Variants in BICRA observed in about 807,000 individuals in gnomAD.
The protein encoded by BICRA is BRD4-interacting chromatin-remodeling complex-associated protein.
Under a neutral mutation model 96.9 loss-of-function variants are expected in BICRA, and 31 were observed. That is an observed-to-expected ratio of 0.32 (90% confidence interval 0.24 to 0.43). The LOEUF is 0.43. Ranked by LOEUF, BICRA falls within the 20% of genes least tolerant of loss-of-function variation. The probability of loss-of-function intolerance (pLI) is 1.00; values close to 1 mark genes in which losing one functional copy is unlikely to be tolerated. For missense variants in BICRA, 2,283 were observed against 2,190.3 expected (o/e 1.04, Z -0.84); for synonymous variants, 1,350 against 1,071.8 (o/e 1.26, Z -5.07).
chr19:47,693,081 A>G lies in BICRA; in HGVS notation c.2284-1034A>G, dbSNP rs534830986. Among the ~76,000 whole-genome samples, 26 of 152,294 alleles carry G rather than the reference A, an allele frequency of 1.7e-4. 1 individual carries two copies. In the South Asian group the frequency reaches 5.4e-3, roughly 32 times the overall value. On this transcript the variant is annotated intron_variant, in intron 7 of 14. Coordinates refer to ENST00000594866, the MANE Select transcript of BICRA (RefSeq NM_001394372.1). ...GAGAGATCACACAAATGGATGCGGG[A>G]GGCCGGCCATTCGTGTTAGATCAGC... is the stretch of plus-strand genomic sequence containing the variant.
intron 1 of BICRA, among the ~76,000 whole-genome samples, chr19:47,625,338 C>T (rs568844818): frequency 5.6e-4 from 84 of 151,146 alleles, no homozygotes; most frequent in African/African-American, 2.0e-3. Context: ...TCACTGGTGC[C>T]CAGGCTGGAT....
chr19:47,654,413 A>C (rs1294674107), intron 1 of BICRA, among the ~76,000 whole-genome samples: 1 of 152,090 alleles, frequency 6.6e-6, no homozygotes, highest in East Asian at 1.9e-4. Flanking sequence ...CTGCCCAAGA[A>C]ATTAAAAAAA....
intron 1 of BICRA, among the ~76,000 whole-genome samples, chr19:47,652,128 A>G (rs1972549593): frequency 6.6e-6 from 1 of 152,172 alleles, no homozygotes; most frequent in Non-Finnish European, 1.5e-5. Flanking sequence ...GGGAGTGATT[A>G]GGAAGGCTCA....
At chr19:47,670,872 G>T (rs114725736) in intron 2 of BICRA, among the ~76,000 whole-genome samples, 54 of 152,276 alleles carry the variant, frequency 3.5e-4, no homozygotes, top group African/African-American at 1.2e-3. Flanking sequence ...GGTGACACAG[G>T]GGGAGGAAGC....
At chr19:47,638,895 C>T (rs58710118) in intron 1 of BICRA, among the ~76,000 whole-genome samples, 3,182 of 152,188 alleles carry the variant, frequency 0.021, 49 homozygotes, top group South Asian at 0.089. Flanking sequence ...TCTCAAGTGA[C>T]TTGCTTGCCC....
chr19:47,681,041 C>G lies in BICRA; in HGVS notation c.1871C>G (p.Ala624Gly). Residue 624 changes from alanine (A) to glycine (G), a missense_variant, in exon 6 of 15, where the codon GCC becomes GGC. Coordinates refer to ENST00000594866, the MANE Select transcript of BICRA (RefSeq NM_001394372.1). ...EAAPVLTVQP[A>G]PQAPPAVSTP... ...GCGCCTGTCCTCACGGTGCAGCCTGCCCCCCAGGCGCCCCCCGCGGTCAGC... is the reference window on the plus strand; with the variant it reads ...GCGCCTGTCCTCACGGTGCAGCCTGGCCCCCAGGCGCCCCCCGCGGTCAGC... 7.1e-7 allele frequency: 1 copy of G among 1,413,830 alleles called. No individual in the cohort carries two copies. Among genetic ancestry groups the G allele is most frequent in the Non-Finnish European group, 9.2e-7 (1 of 1,091,356 alleles). 87.6% of individuals were successfully genotyped at this position (1,413,830 alleles called of 1,614,324 possible). A position where few individuals can be genotyped will look rare whatever the true frequency, so the allele number is the denominator to read the frequency against.
chr19:47,671,498 T>C (rs982084489), intron 2 of BICRA, among the ~76,000 whole-genome samples: 3 of 152,080 alleles, frequency 2.0e-5, no homozygotes, highest in Admixed American at 1.3e-4. Context: ...CCATTGTGTA[T>C]TGTATGTGTC....
intron 1 of BICRA, among the ~76,000 whole-genome samples, chr19:47,627,417 G>A (rs576226064): frequency 2.6e-5 from 4 of 152,202 alleles, no homozygotes; most frequent in South Asian, 2.1e-4. Flanking sequence ...ATAGGTCAAC[G>A]GAAATGCTGC....
At chr19:47,626,885 C>G (rs1372892078) in intron 1 of BICRA, among the ~76,000 whole-genome samples, 1 of 151,924 alleles carries the variant, frequency 6.6e-6, no homozygotes, top group South Asian at 2.1e-4. Flanking sequence ...CCACACCCAG[C>G]TAATTTTTGT....
At chr19:47,632,289 G>A (rs1423879074) in intron 1 of BICRA, among the ~76,000 whole-genome samples, 1 of 152,254 alleles carries the variant, frequency 6.6e-6, no homozygotes, top group African/African-American at 2.4e-5. Context: ...TTCACTGCTG[G>A]CAAACAGCAG....
chr19:47,624,686 C>G lies in BICRA; in HGVS notation c.-108+15518C>G, dbSNP rs561214366. Among the ~76,000 whole-genome samples the G allele has an allele frequency of 1.1e-3, 163 of 151,360 alleles. No homozygotes were observed. The Middle Eastern group carries it at 0.014, about 13-fold the overall frequency. On this transcript the variant is annotated intron_variant, in intron 1 of 14. Transcript: ENST00000594866. ...GTTATGCCTGTACCTCCCACTGCCA[C>G]GCCCTGACTTTTTTTTTTTTCTTTG...
At position 47,680,494 on chromosome 19, in the gene BICRA, GC is replaced by G; in HGVS notation, c.1327del (p.Leu443Ter). 6.5e-7 allele frequency: 1 copy of G among 1,542,846 alleles called. No individual in the cohort carries two copies. Among genetic ancestry groups the G allele is most frequent in the Non-Finnish European group, 8.7e-7 (1 of 1,145,422 alleles). Reference sequence around the variant, plus strand: ...AGCGGCCCCGCCGCAGCCCCCCGGGGCCCTGAGCAAACCCATGAGCGTCCAC... The same window carrying G: ...AGCGGCCCCGCCGCAGCCCCCCGGGGCCTGAGCAAACCCATGAGCGTCCAC... ...TGAAPPQPPG[A>X]LSKPMSVHLL... is the part of the protein sequence containing the mutation. On this transcript the variant is annotated frameshift_variant, in exon 6 of 15. Coordinates refer to ENST00000594866, the MANE Select transcript of BICRA (RefSeq NM_001394372.1). LOFTEE classifies it high-confidence loss of function.
At chr19:47,651,269 G>A (rs1972536343) in intron 1 of BICRA, among the ~76,000 whole-genome samples, 2 of 152,086 alleles carry the variant, frequency 1.3e-5, no homozygotes, top group South Asian at 4.1e-4. Context: ...CTCGTTGTCT[G>A]TCTGACCTCG....
chr19:47,644,203 T>C (rs1238781723), intron 1 of BICRA, among the ~76,000 whole-genome samples: 1 of 151,700 alleles, frequency 6.6e-6, no homozygotes, highest in Non-Finnish European at 1.5e-5. Context: ...TCTTCTTTTT[T>C]TTTTTGCAGA....
chr19:47,653,698 T>TC (rs1334182634), intron 1 of BICRA, among the ~76,000 whole-genome samples: 2 of 152,178 alleles, frequency 1.3e-5, no homozygotes, highest in Non-Finnish European at 2.9e-5. Context: ...GTTCCTTCCT[T>TC]CTTATGGCGG....
chr19:47,681,385 TG>T (rs58014830), intron 6 of BICRA, 109 bp downstream of exon 6: 661,244 of 890,944 alleles, frequency 0.74, 250,293 homozygotes, highest in East Asian at 0.96. Flanking sequence ...CTGTGGCAGC[TG>T]GGGGGGGAAG....
upstream of BICRA, among the ~76,000 whole-genome samples, chr19:47,608,643 C>T (rs1015131655): frequency 1.3e-5 from 2 of 152,038 alleles, no homozygotes; most frequent in African/African-American, 2.4e-5. Context: ...CGAGCTCGAG[C>T]AGGCGCGCCC....
chr19:47,678,114 T>TTTTTG (rs1972968692), intron 5 of BICRA, among the ~76,000 whole-genome samples: 2 of 152,170 alleles, frequency 1.3e-5, no homozygotes, highest in Admixed American at 6.6e-5. Context: ...TTTTTATTTA[T>TTTTTG]TTTTGTTTTG....
At chr19:47,695,131 T>TG in intron 9 of BICRA, 51 bp downstream of exon 9, 1 of 1,192,576 alleles carries the variant, frequency 8.4e-7, no homozygotes, top group Non-Finnish European at 1.2e-6. Context: ...TGAAGATGGG[T>TG]GGGCGGGGCT....
Sources: allele counts gnomAD v4.1 joint callset (sites outside exome capture counted in the v4.1 genomes callset), GRCh38; gene constraint gnomAD v4.1.1; transcripts MANE v1.5; gene names NCBI Gene and HGNC (gene_info 2026-07-23, HGNC 2026-07-21).